Variants in CTNNA2 observed in about 807,000 individuals in gnomAD.
The protein encoded by CTNNA2 is catenin alpha-2.
Under a neutral mutation model 101.0 loss-of-function variants are expected in CTNNA2, and 42 were observed. That is an observed-to-expected ratio of 0.42 (90% CI 0.32 to 0.54). CTNNA2 has a LOEUF of 0.54. CTNNA2 is among the 20% of genes least tolerant of loss of function. The probability of loss-of-function intolerance (pLI) is 0.14; values close to 1 mark genes in which losing one functional copy is unlikely to be tolerated. For synonymous variants in CTNNA2, 450 were observed against 456.4 expected, an observed-to-expected ratio of 0.99 and a Z score of 0.18; for missense variants, 871 against 1,223.1, an observed-to-expected ratio of 0.71 and a Z score of 4.29.
At chr2:80,288,117 G>A (rs1419229226) in intron 7 of CTNNA2, among the ~76,000 whole-genome samples, 2 of 152,114 alleles carry the variant, frequency 1.3e-5, no homozygotes, top group Admixed American at 1.3e-4. Flanking sequence ...GTCCTCTGGT[G>A]ATAGCATTCC....
At chr2:79,746,495 A>G (rs1479739481) in intron 3 of CTNNA2, among the ~76,000 whole-genome samples, 1 of 152,160 alleles carries the variant, frequency 6.6e-6, no homozygotes, top group Non-Finnish European at 1.5e-5. Context: ...TCTCTCCTGC[A>G]TTTTCTGCCT....
upstream of CTNNA2, among the ~76,000 whole-genome samples, chr2:79,508,629 G>C (rs895139749): frequency 6.6e-6 from 1 of 152,072 alleles, no homozygotes; most frequent in Non-Finnish European, 1.5e-5. Context: ...TTGACTCATT[G>C]ATATTAGAAG....
In CTNNA2 at chr2:80,642,633, T is replaced by TTCTG. The variant is rs1421709319; in HGVS notation, c.2575-4950_2575-4947dup. On this transcript the variant is annotated intron_variant, in intron 18 of 18. Transcript: ENST00000402739. ...AATGTGGTTGACTTCTGCAGTCGAA[T>TTCTG]TCTGTTTCTGTTGAAACTGAACACC... is the stretch of plus-strand genomic sequence containing the variant. Among the ~76,000 whole-genome samples, 55 of 152,338 alleles carry TTCTG rather than the reference T, an allele frequency of 3.6e-4. 1 individual carries two copies. Among genetic ancestry groups the TTCTG allele is most frequent in the East Asian group, 3.9e-4 (2 of 5,188 alleles).
intron 5 of CTNNA2, 90 bp from the exon 6 acceptor site, chr2:79,873,986 G>T: frequency 6.5e-7 from 1 of 1,530,446 alleles, no homozygotes; most frequent in Non-Finnish European, 8.8e-7. Context: ...AGTTCAGTGT[G>T]TTACTAAGAG....
chr2:80,004,234 A>T (rs984108589), intron 7 of CTNNA2, among the ~76,000 whole-genome samples: 12 of 152,284 alleles, frequency 7.9e-5, no homozygotes, highest in African/African-American at 2.9e-4. Flanking sequence ...GGAGCATTTC[A>T]TAGGAGTAAT....
intron 2 of CTNNA2, among the ~76,000 whole-genome samples, chr2:79,659,205 T>C (rs763842719): frequency 7.5e-6 from 1 of 133,574 alleles, no homozygotes; most frequent in Non-Finnish European, 1.6e-5. Context: ...TGAGAGTTGA[T>C]CCAGTGCCTC....
intron 2 of CTNNA2, among the ~76,000 whole-genome samples, chr2:79,672,525 A>G (rs889474552): frequency 6.6e-6 from 1 of 152,158 alleles, no homozygotes; most frequent in African/African-American, 2.4e-5. Flanking sequence ...AAAAAAGTCA[A>G]CAAGTCAACA....
At chr2:80,485,188 G>C (rs556240559) in intron 9 of CTNNA2, among the ~76,000 whole-genome samples, 2 of 152,174 alleles carry the variant, frequency 1.3e-5, no homozygotes, top group East Asian at 1.9e-4. Context: ...TTCATCCACT[G>C]TCAAACTAAC....
intron 7 of CTNNA2, among the ~76,000 whole-genome samples, chr2:80,041,491 T>C (rs112972754): frequency 5.1e-4 from 78 of 152,286 alleles, no homozygotes; most frequent in African/African-American, 1.8e-3. Context: ...AACTGCTGCA[T>C]TATGATAATG....
intron 2 of CTNNA2, among the ~76,000 whole-genome samples, chr2:79,289,108 A>G (rs181627465): frequency 6.6e-6 from 1 of 152,282 alleles, no homozygotes; most frequent in Non-Finnish European, 1.5e-5. Context: ...CAAGTCTGAG[A>G]GAATCTATTT....
intron 3 of CTNNA2, among the ~76,000 whole-genome samples, chr2:79,845,067 G>T (rs114676544): frequency 4.8e-4 from 68 of 142,610 alleles, no homozygotes; most frequent in Non-Finnish European, 9.3e-4. Flanking sequence ...GTGTGTGTGT[G>T]TATATATATA....
At chr2:79,273,804 A>C (rs1431053654) in intron 2 of CTNNA2, among the ~76,000 whole-genome samples, 1 of 149,390 alleles carries the variant, frequency 6.7e-6, no homozygotes, top group South Asian at 2.1e-4. Flanking sequence ...AGCAAGCTGC[A>C]CTTTTTTTTT....
intron 7 of CTNNA2, among the ~76,000 whole-genome samples, chr2:79,993,876 G>A (rs34026210): frequency 0.29 from 43,529 of 151,852 alleles, 6,353 homozygotes; most frequent in Non-Finnish European, 0.32. Context: ...TGGTTTTGTT[G>A]GTTTGTTTTG....
At chr2:80,366,811 C>A (rs1378773828) in intron 7 of CTNNA2, among the ~76,000 whole-genome samples, 1 of 152,080 alleles carries the variant, frequency 6.6e-6, no homozygotes, top group Non-Finnish European at 1.5e-5. Flanking sequence ...TGTGACACAG[C>A]CTTAGGAGGT....
chr2:79,394,047 G>T (rs1311228554), intron 4 of CTNNA2, among the ~76,000 whole-genome samples: 2 of 152,048 alleles, frequency 1.3e-5, no homozygotes, highest in Non-Finnish European at 2.9e-5. Context: ...CAGGCACACA[G>T]CTTTGCACTC....
chr2:79,872,143 T>C (rs1292630898), intron 5 of CTNNA2, among the ~76,000 whole-genome samples: 2 of 152,206 alleles, frequency 1.3e-5, no homozygotes, highest in African/African-American at 4.8e-5. Context: ...TGTGTTCTGC[T>C]TTTTAATTTA....
At chr2:79,883,440 G>T (rs1291665441) in intron 6 of CTNNA2, among the ~76,000 whole-genome samples, 1 of 152,156 alleles carries the variant, frequency 6.6e-6, no homozygotes, top group Admixed American at 6.5e-5. Flanking sequence ...ACTTGCAACT[G>T]TCAAGAGAGT....
At chr2:80,273,714 C>T (rs553303399) in intron 7 of CTNNA2, among the ~76,000 whole-genome samples, 1 of 152,142 alleles carries the variant, frequency 6.6e-6, no homozygotes, top group South Asian at 2.1e-4. Context: ...TTGCAATAGT[C>T]TCCTCTGCTT....
intron 9 of CTNNA2, among the ~76,000 whole-genome samples, chr2:80,478,208 G>A (rs901622654): frequency 6.6e-6 from 1 of 151,984 alleles, no homozygotes; most frequent in African/African-American, 2.4e-5. Context: ...AAATGTCTGT[G>A]TATGTCATTT....
Sources: allele counts gnomAD v4.1 joint callset (sites outside exome capture counted in the v4.1 genomes callset), GRCh38; gene constraint gnomAD v4.1.1; transcripts MANE v1.5; gene names NCBI Gene and HGNC (gene_info 2026-07-23, HGNC 2026-07-21).